The following CTNNBL1 variants were observed in gnomAD, a reference collection of about 807,000 sequenced individuals.
CTNNBL1 encodes the protein beta-catenin-like protein 1.
CTNNBL1 carries 31 observed loss-of-function variants against 72.7 expected under a neutral mutation model. The observed-to-expected ratio is 0.43, with a 90% CI of 0.32 to 0.58. The LOEUF (loss-of-function observed/expected upper bound fraction) is 0.58, where lower values mean the gene tolerates loss of function less well. Ranked by LOEUF, CTNNBL1 falls within the 20% of genes least tolerant of loss-of-function variation. The probability of loss-of-function intolerance (pLI) is 0.08; values close to 1 mark genes in which losing one functional copy is unlikely to be tolerated. For synonymous variants in CTNNBL1, 240 were observed against 267.3 expected (o/e 0.90, Z 1.00); for missense variants, 534 against 725.1 (o/e 0.74, Z 3.03).
intron 3 of CTNNBL1, among the ~76,000 whole-genome samples, chr20:37,743,146 A>ATTTT (rs10656932): frequency 2.9e-5 from 4 of 140,180 alleles, no homozygotes; most frequent in African/African-American, 1.0e-4. Flanking sequence ...ACTCAGCACA[A>ATTTT]TTTTTTTTTT....
intron 13 of CTNNBL1, among the ~76,000 whole-genome samples, chr20:37,853,789 T>C (rs2072416443): frequency 6.6e-6 from 1 of 152,240 alleles, no homozygotes. Flanking sequence ...TTTTATTTCC[T>C]TTTAAACACT....
chr20:37,805,463 C>A (rs1330110632), intron 11 of CTNNBL1, among the ~76,000 whole-genome samples: 10 of 136,412 alleles, frequency 7.3e-5, no homozygotes, highest in Non-Finnish European at 1.4e-4. Flanking sequence ...GTGATGCGAT[C>A]TCGGCTCACT....
At chr20:37,867,823 C>T (rs2072548998) in intron 15 of CTNNBL1, among the ~76,000 whole-genome samples, 1 of 152,204 alleles carries the variant, frequency 6.6e-6, no homozygotes, top group South Asian at 2.1e-4. Flanking sequence ...TAGCTGGCAC[C>T]ACCAAGATTT....
chr20:37,720,106 CA>C (rs759775991), intron 1 of CTNNBL1, among the ~76,000 whole-genome samples: 1 of 152,146 alleles, frequency 6.6e-6, no homozygotes, highest in Non-Finnish European at 1.5e-5. Flanking sequence ...CGGCTCACTA[CA>C]AGCTCCATCT....
chr20:37,827,517 A>G (rs113162901), intron 11 of CTNNBL1, among the ~76,000 whole-genome samples: 3 of 152,222 alleles, frequency 2.0e-5, no homozygotes, highest in Non-Finnish European at 2.9e-5. Flanking sequence ...GATTTTTCTC[A>G]AAGTATGGAC....
At chr20:37,839,399 T>C (rs913354524) in intron 11 of CTNNBL1, among the ~76,000 whole-genome samples, 1 of 152,248 alleles carries the variant, frequency 6.6e-6, no homozygotes, top group African/African-American at 2.4e-5. Flanking sequence ...AAGGTCATTA[T>C]TCTTGATTTT....
chr20:37,825,976 C>T (rs893819994), intron 11 of CTNNBL1, among the ~76,000 whole-genome samples: 16 of 152,138 alleles, frequency 1.1e-4, no homozygotes, highest in Admixed American at 5.9e-4. Flanking sequence ...CCACAGGAGG[C>T]GGCGGTGTAC....
intron 10 of CTNNBL1, among the ~76,000 whole-genome samples, chr20:37,788,943 C>T (rs2073701770): frequency 6.6e-6 from 1 of 152,156 alleles, no homozygotes; most frequent in East Asian, 1.9e-4. Flanking sequence ...TTTCACAGTG[C>T]TTGACAGAAT....
intron 15 of CTNNBL1, among the ~76,000 whole-genome samples, chr20:37,871,084 C>T (rs998785871): frequency 6.6e-6 from 1 of 152,214 alleles, no homozygotes; most frequent in Admixed American, 6.5e-5. Flanking sequence ...AAAAAAGGTT[C>T]TCAAACTGGA....
At chr20:37,759,262 C>T (rs949879640) in intron 5 of CTNNBL1, among the ~76,000 whole-genome samples, 1 of 152,156 alleles carries the variant, frequency 6.6e-6, no homozygotes, top group Admixed American at 6.5e-5. Flanking sequence ...GACTGTGGCA[C>T]TTGCTCCTAC....
intron 11 of CTNNBL1, among the ~76,000 whole-genome samples, chr20:37,809,087 T>A (rs888771277): frequency 2.0e-5 from 3 of 152,066 alleles, no homozygotes; most frequent in Non-Finnish European, 4.4e-5. Flanking sequence ...AGTCTCCCAA[T>A]TCTCATGTCC....
rs6125992 is a variant in CTNNBL1 at position 37,723,727 on chromosome 20, T to C, written c.31-9152T>C. ...GGGCACCTTTGTAAGGTGTATTGTT[T>C]AATCATCACAACAACCCTTTGAGGT... On this transcript the variant is annotated intron_variant, in intron 1 of 15. Coordinates refer to ENST00000361383, the MANE Select transcript of CTNNBL1 (RefSeq NM_030877.5). Among the ~76,000 whole-genome samples the C allele has an allele frequency of 2.8e-3, 426 of 152,356 alleles. 4 individuals are homozygous for C. The highest frequency in any genetic ancestry group is 0.017 in the East Asian group (88 of 5,188).
intron 1 of CTNNBL1, among the ~76,000 whole-genome samples, chr20:37,718,919 T>C (rs1226823834): frequency 6.6e-6 from 1 of 152,216 alleles, no homozygotes; most frequent in African/African-American, 2.4e-5. Flanking sequence ...ATACTGCTTC[T>C]ACTAAGATGA....
chr20:37,713,026 A>C lies in CTNNBL1; in HGVS notation c.30+18874A>C, dbSNP rs183202665. ...CTGCTAAGCTTGCCAATGTAAAGTC[A>C]CTGAATATTGTCTCCCTGGCTGCTC... On this transcript the variant is annotated intron_variant, in intron 1 of 15. Transcript: ENST00000361383. Among the ~76,000 whole-genome samples, 80 of 152,336 alleles carry C rather than the reference A, an allele frequency of 5.3e-4. 1 individual carries two copies. Among genetic ancestry groups the C allele is most frequent in the African/African-American group, 1.7e-3 (72 of 41,580 alleles).
intron 13 of CTNNBL1, among the ~76,000 whole-genome samples, chr20:37,845,168 C>T (rs769312730): frequency 1.8e-4 from 28 of 152,034 alleles, no homozygotes; most frequent in Non-Finnish European, 3.2e-4. Flanking sequence ...CAGAAGGAGT[C>T]GCCTAGCAGA....
At chr20:37,812,342 A>T (rs1184300120) in intron 11 of CTNNBL1, among the ~76,000 whole-genome samples, 1 of 151,996 alleles carries the variant, frequency 6.6e-6, no homozygotes, top group Non-Finnish European at 1.5e-5. Flanking sequence ...TAGGATATAA[A>T]CCTCTTGCCT....
chr20:37,699,415 T>C (rs372015450), intron 1 of CTNNBL1, among the ~76,000 whole-genome samples: 2 of 152,192 alleles, frequency 1.3e-5, no homozygotes, highest in East Asian at 3.8e-4. Flanking sequence ...ATGCCTGTAT[T>C]ATAGGAAAGG....
At chr20:37,699,968 A>T (rs975991144) in intron 1 of CTNNBL1, among the ~76,000 whole-genome samples, 3 of 152,118 alleles carry the variant, frequency 2.0e-5, no homozygotes, top group Non-Finnish European at 4.4e-5. Context: ...GTTTCCTCAT[A>T]TGCCTAATGA....
At chr20:37,864,431 C>T (rs1189761384) in intron 15 of CTNNBL1, among the ~76,000 whole-genome samples, 4 of 152,072 alleles carry the variant, frequency 2.6e-5, no homozygotes, top group African/African-American at 9.7e-5. Context: ...CTCAGGAAAA[C>T]GCTGATGAGG....
Sources: allele counts gnomAD v4.1 joint callset (sites outside exome capture counted in the v4.1 genomes callset), GRCh38; gene constraint gnomAD v4.1.1; transcripts MANE v1.5; gene names NCBI Gene and HGNC (gene_info 2026-07-23, HGNC 2026-07-21).